CNKSR2: variants seen among roughly 807,000 people sequenced by gnomAD.
The protein encoded by CNKSR2 is connector enhancer of kinase suppressor of Ras 2.
Under a neutral mutation model 84.4 loss-of-function variants are expected in CNKSR2, and 14 were observed. The observed-to-expected ratio is 0.17, with a 90% CI of 0.11 to 0.26. The LOEUF (loss-of-function observed/expected upper bound fraction) is 0.26. Among genes scored for constraint, CNKSR2 ranks in the 10% least tolerant of loss-of-function variants. The pLI is 1.00. For synonymous variants in CNKSR2, 275 were observed against 277.9 expected (o/e 0.99, Z 0.10); for missense variants, 485 against 771.2 (o/e 0.63, Z 4.40).
At chrX:21,645,539 G>A (rs2092704449) in intron 20 of CNKSR2, 1 of 111,776 alleles carries the variant, frequency 8.9e-6, no homozygotes, top group African/African-American at 3.2e-5. Flanking sequence ...TGATTTGAAT[G>A]TGGTCTCTAC....
intron 1 of CNKSR2, among the ~76,000 whole-genome samples, chrX:21,376,859 A>G (rs1194654758): frequency 9.0e-6 from 1 of 111,592 alleles, no homozygotes; most frequent in African/African-American, 3.3e-5. Flanking sequence ...TCCCAGTTAT[A>G]TTCTTGCAGT....
chrX:21,450,251 C>T (rs1302723403), intron 4 of CNKSR2, among the ~76,000 whole-genome samples: 1 of 111,705 alleles, frequency 9.0e-6, no homozygotes, highest in Non-Finnish European at 1.9e-5. Context: ...GAAACTTAAA[C>T]AGATATGGAT....
At chrX:21,549,801 A>G (rs1198610983) in intron 11 of CNKSR2, among the ~76,000 whole-genome samples, 1 of 112,380 alleles carries the variant, frequency 8.9e-6, no homozygotes. Flanking sequence ...CAAGCCTGAC[A>G]AAAACAAGCA....
chrX:21,466,501 A>G (rs2091129576), intron 4 of CNKSR2, among the ~76,000 whole-genome samples: 1 of 111,931 alleles, frequency 8.9e-6, no homozygotes, highest in Admixed American at 9.5e-5. Flanking sequence ...CAGCTTAACA[A>G]AATATAACAT....
chrX:21,597,057 A>G (rs1301887875), intron 17 of CNKSR2, among the ~76,000 whole-genome samples: 3 of 112,014 alleles, frequency 2.7e-5, no homozygotes, highest in East Asian at 5.6e-4. Context: ...AGTGGCATAC[A>G]TGAGCATATC....
intron 1 of CNKSR2, among the ~76,000 whole-genome samples, chrX:21,401,615 A>T (rs1300221437): frequency 1.8e-5 from 2 of 111,997 alleles, no homozygotes; most frequent in South Asian, 7.2e-4. Context: ...TGTCTAGAGT[A>T]GAGAAACCTA....
chrX:21,526,381 A>G (rs1392796496), intron 9 of CNKSR2, among the ~76,000 whole-genome samples: 1 of 111,104 alleles, frequency 9.0e-6, no homozygotes, highest in African/African-American at 3.3e-5. Context: ...CATCTGTAAC[A>G]TTTTACTAAC....
intron 11 of CNKSR2, among the ~76,000 whole-genome samples, chrX:21,537,471 A>G (rs1463548487): frequency 1.8e-5 from 2 of 111,466 alleles, no homozygotes; most frequent in East Asian, 5.6e-4. Flanking sequence ...TGTTAAGTCC[A>G]TAGCTATTAT....
intron 16 of CNKSR2, 70 bp downstream of exon 16, chrX:21,595,117 G>T (rs1303795818): frequency 1.1e-6 from 1 of 892,954 alleles, no homozygotes; most frequent in Non-Finnish European, 1.6e-6. Context: ...TAAATTATAG[G>T]TTGCTCATTT....
chrX:21,536,358 CTA>C, intron 11 of CNKSR2, among the ~76,000 whole-genome samples: 1 of 110,879 alleles, frequency 9.0e-6, no homozygotes, highest in Admixed American at 9.6e-5. Flanking sequence ...TAGTAGTAGG[CTA>C]CTGCTGGCCT....
At chrX:21,541,743 C>G (rs991647215) in intron 11 of CNKSR2, among the ~76,000 whole-genome samples, 11 of 111,375 alleles carry the variant, frequency 9.9e-5, no homozygotes, top group Non-Finnish European at 1.7e-4. Flanking sequence ...CACAACAACT[C>G]TATGAGGTAT....
At chrX:21,454,325 T>C (rs1263388822) in intron 4 of CNKSR2, among the ~76,000 whole-genome samples, 1 of 112,280 alleles carries the variant, frequency 8.9e-6, no homozygotes, top group Non-Finnish European at 1.9e-5. Context: ...ATTTTATTCT[T>C]TGAGGTATTG....
In CNKSR2 at chrX:21,405,637, A is replaced by T. The variant is rs1485783671; in HGVS notation, c.65-20860A>T. Among the ~76,000 whole-genome samples the T allele has an allele frequency of 3.6e-5, 4 of 111,047 alleles. No individual in the cohort carries two copies. In the Admixed American group the frequency reaches 3.9e-4, roughly 11 times the overall value. On this transcript the variant is annotated intron_variant, in intron 1 of 21. Transcript: ENST00000379510. ...TAGTTTTTTATCATCTAATATCCAT[A>T]ATTCTTTTTCTTCCCTGTCTGCGTT... is the stretch of plus-strand genomic sequence containing the variant.
intron 18 of CNKSR2, among the ~76,000 whole-genome samples, chrX:21,603,953 G>A (rs1417451624): frequency 9.1e-6 from 1 of 110,409 alleles, no homozygotes; most frequent in Non-Finnish European, 1.9e-5. Flanking sequence ...TTATAAAATT[G>A]CGTATCATTG....
intron 8 of CNKSR2, among the ~76,000 whole-genome samples, chrX:21,507,844 A>T (rs901351281): frequency 8.9e-5 from 10 of 111,832 alleles, no homozygotes; most frequent in Non-Finnish European, 1.7e-4. Context: ...GGGAGCTTTA[A>T]CATTTTAGAT....
intron 13 of CNKSR2, among the ~76,000 whole-genome samples, chrX:21,584,577 G>C (rs1352070834): frequency 8.9e-6 from 1 of 112,191 alleles, no homozygotes; most frequent in Non-Finnish European, 1.9e-5. Context: ...TAACAATTTT[G>C]GACAGGGAAG....
In CNKSR2 at chrX:21,374,627, A is replaced by AGCC. The variant is rs770329895; in HGVS notation, c.-269_-268insCGC. 0.022 allele frequency: 10,578 copies of AGCC among 490,068 alleles called. 78 individuals carry two copies. The highest frequency in any genetic ancestry group is 0.027 in the Non-Finnish European group (7,538 of 280,445). 40.4% of individuals were successfully genotyped at this position (490,068 alleles called of 1,213,427 possible). A position where few individuals can be genotyped will look rare whatever the true frequency, so the allele number is the denominator to read the frequency against. ...CAGCAGCAGCAGCAGCAGCAGCAGC[A>AGCC]GCAGCCGCCGCCGCCGCCGCCTTAG... On this transcript the variant is annotated 5_prime_UTR_variant, in exon 1 of 22. Coordinates refer to ENST00000379510, the MANE Select transcript of CNKSR2 (RefSeq NM_014927.5).
intron 4 of CNKSR2, among the ~76,000 whole-genome samples, chrX:21,452,820 T>G (rs887467280): frequency 9.4e-6 from 1 of 106,320 alleles, no homozygotes; most frequent in African/African-American, 3.4e-5. Flanking sequence ...TATTTTATTT[T>G]GCAGACCCCA....
At chrX:21,458,475 A>G (rs1435636627) in intron 4 of CNKSR2, among the ~76,000 whole-genome samples, 1 of 112,233 alleles carries the variant, frequency 8.9e-6, no homozygotes, top group African/African-American at 3.2e-5. Flanking sequence ...ATAAGTGGTA[A>G]ATGGATGAGG....
Sources: gnomAD v4.1 joint callset for allele counts (sites outside exome capture counted in the v4.1 genomes callset) on GRCh38, gnomAD v4.1.1 for gene constraint, MANE v1.5 for transcripts, NCBI Gene and HGNC (gene_info 2026-07-23, HGNC 2026-07-21) for gene names.